Variants in DOCK8 observed in about 807,000 individuals in gnomAD.
DOCK8 encodes dedicator of cytokinesis protein 8.
A neutral mutation model predicts 245.6 loss-of-function variants in DOCK8; 141 were observed. The ratio of observed to expected loss-of-function variants is 0.57; its 90% CI spans 0.50 to 0.66. The LOEUF (loss-of-function observed/expected upper bound fraction) is 0.66, where lower values mean the gene tolerates loss of function less well. DOCK8 is among the 30% of genes least tolerant of loss of function. DOCK8 has a pLI of 0.00. For missense variants in DOCK8, 2,965 were observed against 2,603.4 expected (o/e 1.14, Z -3.02); for synonymous variants, 1,168 against 970.2 (o/e 1.20, Z -3.79).
chr9:447,246 G>A (rs1480014339), intron 44 of DOCK8, among the ~76,000 whole-genome samples: 1 of 152,214 alleles, frequency 6.6e-6, no homozygotes, highest in African/African-American at 2.4e-5. Context: ...CCACAGAATT[G>A]TTCAAAATTC....
At chr9:433,734 C>G (rs1301604529) in intron 37 of DOCK8, 141 bp from the exon 38 acceptor site, 1 of 720,780 alleles carries the variant, frequency 1.4e-6, no homozygotes, top group Non-Finnish European at 2.5e-6. Flanking sequence ...AGAGTCAGGT[C>G]TAGATGACTC....
intron 14 of DOCK8, among the ~76,000 whole-genome samples, chr9:348,367 C>T (rs1032632810): frequency 2.6e-5 from 4 of 152,170 alleles, no homozygotes; most frequent in Non-Finnish European, 5.9e-5. Flanking sequence ...CTGATTCCAC[C>T]GTTCACAACT....
At chr9:386,587 C>T (rs557765924) in intron 23 of DOCK8, among the ~76,000 whole-genome samples, 161 bp downstream of exon 23, 4 of 152,302 alleles carry the variant, frequency 2.6e-5, no homozygotes, top group South Asian at 2.1e-4. Context: ...CTGTCCTTTA[C>T]GCCACATTTG....
Position 446,511 on chromosome 9 carries a change from G to T in DOCK8, c.5722G>T (p.Glu1908Ter). The T allele has an allele frequency of 6.2e-7, 1 of 1,614,230 alleles. No homozygotes were observed. The highest frequency in any genetic ancestry group is 8.5e-7 in the Non-Finnish European group (1 of 1,180,034). ...PFTLEGRPRG[E>*]LHEQYRRNTV... ...CACCCTGGAGGGGCGGCCTCGGGGA[G>T]AGCTGCATGAGCAGTACAGAAGGAA... is the stretch of plus-strand genomic sequence containing the variant. Residue 1908 changes from glutamate to a stop codon, truncating the protein, a stop_gained, in exon 44 of 48, where the codon GAG becomes TAG. Coordinates refer to ENST00000432829, the MANE Select transcript of DOCK8 (RefSeq NM_203447.4). LOFTEE classifies it high-confidence loss of function.
intron 5 of DOCK8, among the ~76,000 whole-genome samples, chr9:307,338 GTTT>G (rs1165775428): frequency 2.0e-5 from 1 of 51,242 alleles, no homozygotes; most frequent in East Asian, 6.5e-4. Context: ...GGTTTTTTTT[GTTT>G]TTTTTTTTTT....
At chr9:245,231 G>A (rs2047480492) in intron 1 of DOCK8, among the ~76,000 whole-genome samples, 1 of 152,048 alleles carries the variant, frequency 6.6e-6, no homozygotes, top group Non-Finnish European at 1.5e-5. Flanking sequence ...TTGAGATGAA[G>A]TCTCACACTG....
At chr9:216,162 C>T (rs1307479661) in intron 1 of DOCK8, among the ~76,000 whole-genome samples, 2 of 152,126 alleles carry the variant, frequency 1.3e-5, no homozygotes, top group African/African-American at 4.8e-5. Context: ...CTTACTATTT[C>T]GTCATCTGTA....
chr9:317,273 G>A, intron 7 of DOCK8, 145 bp downstream of exon 7: 1 of 720,410 alleles, frequency 1.4e-6, no homozygotes, highest in South Asian at 1.5e-5. Flanking sequence ...AGTAGAAAGG[G>A]CACGTTTGAG....
At chr9:276,843 C>G (rs1410879899) in intron 2 of DOCK8, among the ~76,000 whole-genome samples, 3 of 152,236 alleles carry the variant, frequency 2.0e-5, no homozygotes, top group Non-Finnish European at 4.4e-5. Context: ...GGGCCTTGCT[C>G]TGTCGCCCAG....
At chr9:288,570 C>T (rs762775947) in intron 3 of DOCK8, among the ~76,000 whole-genome samples, 26 of 152,170 alleles carry the variant, frequency 1.7e-4, no homozygotes, top group Non-Finnish European at 3.2e-4. Context: ...ATCATATATG[C>T]GTCTTATTGT....
At chr9:233,339 G>C (rs1239681249) in intron 1 of DOCK8, among the ~76,000 whole-genome samples, 2 of 152,130 alleles carry the variant, frequency 1.3e-5, no homozygotes, top group African/African-American at 2.4e-5. Context: ...TTTTGGAATA[G>C]GTGTGGTGTG....
rs1373551642 is a variant in DOCK8 at position 271,742 on chromosome 9, TC to T, written c.156+15del. 2 of 1,538,458 alleles carry T rather than the reference TC, an allele frequency of 1.3e-6. No individual in the cohort carries two copies. The highest frequency in any genetic ancestry group is 1.8e-6 in the Non-Finnish European group (2 of 1,135,288). On this transcript the variant is annotated intron_variant, in intron 2 of 47. Coordinates refer to ENST00000432829, the MANE Select transcript of DOCK8 (RefSeq NM_203447.4). Reference sequence around the variant, plus strand: ...CTCTCTTCAACTAGTAAGTATGAGTTCCAGGTTTACTTAGCGATTGGTCAAG... The same window carrying T: ...CTCTCTTCAACTAGTAAGTATGAGTTCAGGTTTACTTAGCGATTGGTCAAG...
chr9:303,652 G>A (rs2049667417), intron 4 of DOCK8, among the ~76,000 whole-genome samples: 1 of 152,220 alleles, frequency 6.6e-6, no homozygotes, highest in Non-Finnish European at 1.5e-5. Context: ...AAGGGAGGAT[G>A]GAAGCAGGTG....
At chr9:354,826 G>T (rs1158183092) in intron 14 of DOCK8, among the ~76,000 whole-genome samples, 1 of 152,214 alleles carries the variant, frequency 6.6e-6, no homozygotes, top group Non-Finnish European at 1.5e-5. Flanking sequence ...GGGAGGGTAA[G>T]AGACAGAAAG....
At chr9:222,847 T>C (rs751029560) in intron 1 of DOCK8, among the ~76,000 whole-genome samples, 2 of 152,234 alleles carry the variant, frequency 1.3e-5, no homozygotes, top group Non-Finnish European at 2.9e-5. Flanking sequence ...ACTGTGCTTT[T>C]TACTTTGCTT....
chr9:394,575 T>C (rs533227181), intron 24 of DOCK8, among the ~76,000 whole-genome samples: 14 of 152,224 alleles, frequency 9.2e-5, no homozygotes, highest in Non-Finnish European at 1.9e-4. Flanking sequence ...TTAAACACAA[T>C]GCTTGGGCGA....
At position 432,162 on chromosome 9, in the gene DOCK8, G is replaced by A; in HGVS notation, c.4627-4G>A. 1 of 1,605,994 alleles carries A rather than the reference G, an allele frequency of 6.2e-7. No homozygotes were observed. Among genetic ancestry groups the A allele is most frequent in the Non-Finnish European group, 8.5e-7 (1 of 1,176,906 alleles). Reference sequence around the variant, plus strand: ...CATCTTTTTTTTTTTTTTCACTGATGCAGAATTTTGCAAGAGTAAAGATGC... The same window carrying A: ...CATCTTTTTTTTTTTTTTCACTGATACAGAATTTTGCAAGAGTAAAGATGC... On this transcript the variant is annotated splice_region_variant and splice_polypyrimidine_tract_variant and intron_variant, in intron 36 of 47. Transcript: ENST00000432829.
chr9:449,555 T>G (rs950689835), intron 44 of DOCK8, among the ~76,000 whole-genome samples: 1 of 152,180 alleles, frequency 6.6e-6, no homozygotes, highest in Admixed American at 6.5e-5. Context: ...ATAAAGAGGT[T>G]GTTGAGAGGA....
chr9:238,038 C>T (rs936710339), intron 1 of DOCK8, among the ~76,000 whole-genome samples: 1 of 152,152 alleles, frequency 6.6e-6, no homozygotes, highest in Non-Finnish European at 1.5e-5. Flanking sequence ...AGTCACGTTA[C>T]TTTTTGTGAC....
Sources: allele counts gnomAD v4.1 joint callset (sites outside exome capture counted in the v4.1 genomes callset), GRCh38; gene constraint gnomAD v4.1.1; transcripts MANE v1.5; gene names NCBI Gene and HGNC (gene_info 2026-07-23, HGNC 2026-07-21).